CCDC178: variants seen among roughly 807,000 people sequenced by gnomAD.
CCDC178 encodes the protein coiled-coil domain-containing protein 178.
A neutral mutation model predicts 117.4 loss-of-function variants in CCDC178; 126 were observed. That is an observed-to-expected ratio of 1.07 (90% CI 0.93 to 1.24). The LOEUF (loss-of-function observed/expected upper bound fraction) is 1.24, where lower values mean the gene tolerates loss of function less well. Ranked by LOEUF, CCDC178 falls within the 50% of genes most tolerant of loss-of-function variation. The probability of loss-of-function intolerance (pLI) is 0.00; values close to 1 mark genes in which losing one functional copy is unlikely to be tolerated. For missense variants in CCDC178, 1,030 were observed against 986.9 expected (o/e 1.04, Z -0.59); for synonymous variants, 283 against 313.4 (o/e 0.90, Z 1.02).
intron 21 of CCDC178, among the ~76,000 whole-genome samples, chr18:33,087,008 ACACAC>A (rs2057389617): frequency 1.4e-5 from 2 of 148,058 alleles, no homozygotes; most frequent in Admixed American, 6.7e-5. Context: ...ACACACACAC[ACACAC>A]AACAAAATAG....
At chr18:33,329,314 T>C (rs1017555110) in intron 10 of CCDC178, among the ~76,000 whole-genome samples, 4 of 152,202 alleles carry the variant, frequency 2.6e-5, no homozygotes, top group African/African-American at 7.2e-5. Context: ...TGGCTTGAAC[T>C]TTCTGTACAA....
intron 3 of CCDC178, among the ~76,000 whole-genome samples, chr18:33,406,611 G>T (rs1417151829): frequency 2.0e-5 from 3 of 151,990 alleles, no homozygotes; most frequent in Admixed American, 2.0e-4. Context: ...AAAACATATA[G>T]TAGATCTCAG....
At chr18:32,978,228 G>A (rs1036000027) in intron 21 of CCDC178, among the ~76,000 whole-genome samples, 1 of 18,220 alleles carries the variant, frequency 5.5e-5, no homozygotes, top group Non-Finnish European at 1.4e-4. Context: ...TTTTTTTTTT[G>A]CGGGGAAATC....
chr18:32,970,590 T>G (rs915965691), intron 22 of CCDC178, among the ~76,000 whole-genome samples: 4 of 152,054 alleles, frequency 2.6e-5, no homozygotes, highest in African/African-American at 9.7e-5. Context: ...TGGATCATGT[T>G]GTATACATTG....
Position 33,030,522 on chromosome 18 carries a change from AAGATAGAT to A in CCDC178, c.2389-55849_2389-55842del, listed in dbSNP as rs61043322. ...GGAGTTCTCCAGACAGAACTGATAG[AAGATAGAT>A]AGATAGATAGATAGATAGATAGATA... On this transcript the variant is annotated intron_variant, in intron 21 of 22. Transcript: ENST00000383096. Among the ~76,000 whole-genome samples, 287 of 140,874 alleles carry A rather than the reference AAGATAGAT, an allele frequency of 2.0e-3. 1 individual carries two copies. Among genetic ancestry groups the A allele is most frequent in the Middle Eastern group, 0.013 (3 of 228 alleles). 92.4% of individuals were successfully genotyped at this position (140,874 alleles called of 152,430 possible).
At chr18:33,386,582 G>A (rs771138201) in intron 5 of CCDC178, among the ~76,000 whole-genome samples, 40 of 152,182 alleles carry the variant, frequency 2.6e-4, no homozygotes, top group Non-Finnish European at 5.7e-4. Context: ...ATCAATAAAC[G>A]TAATTTATCA....
chr18:33,185,024 C>T (rs1184474050), intron 20 of CCDC178, among the ~76,000 whole-genome samples: 2 of 151,024 alleles, frequency 1.3e-5, no homozygotes, highest in African/African-American at 4.9e-5. Flanking sequence ...CTGTACACAG[C>T]TTTTTTTTTC....
At position 33,245,434 on chromosome 18, in the gene CCDC178, AAAGT is replaced by A; in HGVS notation, c.1410-10_1410-7del. Reference sequence around the variant, plus strand: ...ATTTTGATTTTTTCCGTATGCTGTAAAAGTAAAGCAAAAATTAATATTATTGAGT... The same window carrying A: ...ATTTTGATTTTTTCCGTATGCTGTAAAAAGCAAAAATTAATATTATTGAGT... On this transcript the variant is annotated splice_polypyrimidine_tract_variant and splice_region_variant and intron_variant, in intron 14 of 22. Coordinates refer to ENST00000383096, the MANE Select transcript of CCDC178 (RefSeq NM_001105528.4). The A allele has an allele frequency of 6.6e-7, 1 of 1,508,010 alleles. No individual in the cohort carries two copies. The highest frequency in any genetic ancestry group is 2.4e-5 in the East Asian group (1 of 41,396). 93.4% of individuals were successfully genotyped at this position (1,508,010 alleles called of 1,614,324 possible). A position where few individuals can be genotyped will look rare whatever the true frequency, so the allele number is the denominator to read the frequency against.
At chr18:33,303,222 G>T (rs908156838) in intron 11 of CCDC178, among the ~76,000 whole-genome samples, 1 of 152,100 alleles carries the variant, frequency 6.6e-6, no homozygotes, top group Non-Finnish European at 1.5e-5. Flanking sequence ...TTTACTAAGT[G>T]AAAGAAGCCA....
Position 33,323,528 on chromosome 18 carries a change from C to T in CCDC178, c.985G>A (p.Asp329Asn). ...ATGGTTTTTTCATCCTGGTAAATAT[C>T]CTTATCAATCTCTTCTTTAATTTGC... ...AQQIKEEIDK[D>N]IYQDEKTIEA... Residue 329 changes from aspartate to asparagine, a missense_variant, in exon 11 of 23, where the codon GAT becomes AAT. Transcript: ENST00000383096. 1 of 1,559,224 alleles carries T rather than the reference C, an allele frequency of 6.4e-7. No homozygotes were observed.
chr18:32,943,105 T>A (rs776461615), intron 22 of CCDC178, among the ~76,000 whole-genome samples: 2 of 152,176 alleles, frequency 1.3e-5, no homozygotes, highest in Admixed American at 6.5e-5. Context: ...AGCTGAATGA[T>A]GAGGTTGCCT....
chr18:32,943,159 T>G (rs1398003198), intron 22 of CCDC178, among the ~76,000 whole-genome samples: 1 of 152,124 alleles, frequency 6.6e-6, no homozygotes, highest in African/African-American at 2.4e-5. Context: ...GAGAGGAAAA[T>G]AATCACATCT....
chr18:33,020,812 G>C (rs931432128), intron 21 of CCDC178, among the ~76,000 whole-genome samples: 1 of 151,630 alleles, frequency 6.6e-6, no homozygotes, highest in East Asian at 1.9e-4. Context: ...GTTAATTCAC[G>C]TAAGTGAATT....
intron 21 of CCDC178, among the ~76,000 whole-genome samples, chr18:33,043,017 A>C (rs2056577161): frequency 6.6e-6 from 1 of 152,046 alleles, no homozygotes; most frequent in African/African-American, 2.4e-5. Context: ...AAATGAAAAG[A>C]AAATCGAAAG....
intron 2 of CCDC178, among the ~76,000 whole-genome samples, chr18:33,413,486 A>C (rs2063887935): frequency 1.3e-5 from 2 of 151,988 alleles, no homozygotes; most frequent in East Asian, 1.9e-4. Context: ...AAATAATATT[A>C]ATAAGAAAAT....
chr18:33,179,561 C>A (rs1025558801), intron 20 of CCDC178, among the ~76,000 whole-genome samples: 1 of 151,930 alleles, frequency 6.6e-6, no homozygotes, highest in Non-Finnish European at 1.5e-5. Context: ...ACTAATGTCT[C>A]TCTCTGTCAT....
At chr18:33,251,936 A>G (rs888707556) in intron 14 of CCDC178, among the ~76,000 whole-genome samples, 1 of 151,740 alleles carries the variant, frequency 6.6e-6, no homozygotes, top group African/African-American at 2.4e-5. Context: ...CTTGAATGTT[A>G]TTTAAATATG....
intron 10 of CCDC178, among the ~76,000 whole-genome samples, chr18:33,324,898 CTT>C (rs2062564316): frequency 6.6e-6 from 1 of 151,700 alleles, no homozygotes; most frequent in African/African-American, 2.4e-5. Flanking sequence ...TGGAAAAAAA[CTT>C]TATTTGTGCT....
chr18:33,301,606 T>C (rs986023490), intron 11 of CCDC178, among the ~76,000 whole-genome samples: 3 of 152,150 alleles, frequency 2.0e-5, no homozygotes, highest in African/African-American at 7.2e-5. Context: ...CCCCTTCCAG[T>C]GTGTGCTCGA....
Sources: allele counts gnomAD v4.1 joint callset (sites outside exome capture counted in the v4.1 genomes callset), GRCh38; gene constraint gnomAD v4.1.1; transcripts MANE v1.5; gene names NCBI Gene and HGNC (gene_info 2026-07-23, HGNC 2026-07-21).